Variants in DMD observed in about 807,000 individuals in gnomAD.
DMD encodes mutant dystrophin.
A neutral mutation model predicts 330.1 loss-of-function variants in DMD; 63 were observed. The observed-to-expected ratio is 0.19, with a 90% CI of 0.16 to 0.24. The LOEUF (loss-of-function observed/expected upper bound fraction) is 0.24, where lower values mean the gene tolerates loss of function less well. Ranked by LOEUF, DMD falls within the 10% of genes least tolerant of loss-of-function variation. The pLI is 1.00. For synonymous variants in DMD, 1,223 were observed against 959.8 expected (o/e 1.27, Z -5.07); for missense variants, 3,344 against 2,684.1 (o/e 1.25, Z -5.43).
chrX:31,676,774 G>C (rs182026292), intron 53 of DMD, among the ~76,000 whole-genome samples: 12 of 112,198 alleles, frequency 1.1e-4, no homozygotes, highest in African/African-American at 3.9e-4. Flanking sequence ...GTTTTTGAAA[G>C]GATGAAATAA....
At chrX:32,046,425 A>C (rs1447264720) in intron 44 of DMD, among the ~76,000 whole-genome samples, 1 of 112,603 alleles carries the variant, frequency 8.9e-6, no homozygotes, top group Non-Finnish European at 1.9e-5. Flanking sequence ...TTAAAAGTTC[A>C]ATACTATTTA....
chrX:33,118,038 C>T (rs1006546559), intron 1 of DMD, among the ~76,000 whole-genome samples: 1 of 110,519 alleles, frequency 9.0e-6, no homozygotes, highest in Non-Finnish European at 1.9e-5. Flanking sequence ...CTAGTAAAGC[C>T]AGAAGCTATC....
In DMD at chrX:31,856,590, T is replaced by C. The variant is rs564948704; in HGVS notation, c.7098+18598A>G. Reference sequence around the variant, plus strand: ...AATGCTACTATTCATAATGGACTCATTGAAGATACTAAAGATAATAAAATA... The same window carrying C: ...AATGCTACTATTCATAATGGACTCACTGAAGATACTAAAGATAATAAAATA... On this transcript the variant is annotated intron_variant, in intron 48 of 78. Transcript: ENST00000357033. Among the ~76,000 whole-genome samples the C allele has an allele frequency of 3.6e-5, 4 of 112,516 alleles. No homozygotes were observed. In the South Asian group the frequency reaches 1.5e-3, roughly 41 times the overall value.
At chrX:33,300,415 A>T (rs189819984) in intron 1 of DMD, among the ~76,000 whole-genome samples, 2 of 112,307 alleles carry the variant, frequency 1.8e-5, no homozygotes, top group African/African-American at 6.5e-5. Context: ...TTCATCCTCA[A>T]CTAACCTTTT....
chrX:32,963,642 C>T (rs763015573), intron 2 of DMD, among the ~76,000 whole-genome samples: 12 of 112,157 alleles, frequency 1.1e-4, no homozygotes, highest in East Asian at 2.8e-4. Context: ...TCCTTGTTAA[C>T]GCCTAGTAAA....
At chrX:32,997,958 T>C (rs190688806) in intron 2 of DMD, among the ~76,000 whole-genome samples, 1 of 112,315 alleles carries the variant, frequency 8.9e-6, no homozygotes, top group East Asian at 2.8e-4. Flanking sequence ...GAGAAATTTA[T>C]TCATTTTTCC....
At chrX:31,283,583 C>CGAA (rs768745886) in intron 62 of DMD, among the ~76,000 whole-genome samples, 93 of 111,425 alleles carry the variant, frequency 8.3e-4, no homozygotes, top group African/African-American at 2.8e-3. Context: ...CTATATTTCA[C>CGAA]CTTCATCATG....
chrX:33,290,278 T>C (rs1405954988), intron 1 of DMD, among the ~76,000 whole-genome samples: 1 of 111,635 alleles, frequency 9.0e-6, no homozygotes, highest in Non-Finnish European at 1.9e-5. Flanking sequence ...TGGTCTTTCA[T>C]CTTTCCTCAG....
rs751752416 is a variant in DMD at position 32,875,191 on chromosome X, A to T, written c.94-25371T>A. Among the ~76,000 whole-genome samples, 12 of 111,932 alleles carry T rather than the reference A, an allele frequency of 1.1e-4. No homozygotes were observed. The Admixed American group carries it at 1.1e-3, about 11-fold the overall frequency. On this transcript the variant is annotated intron_variant, in intron 2 of 78. Coordinates refer to ENST00000357033, the MANE Select transcript of DMD (RefSeq NM_004006.3). ...CACAGCCCTCTCGATCGAGACCTTG[A>T]TACATGTCCCTCTTCATCGACTCTT...
At chrX:31,771,502 C>T (rs2090334387) in intron 51 of DMD, among the ~76,000 whole-genome samples, 1 of 107,251 alleles carries the variant, frequency 9.3e-6, no homozygotes, top group Non-Finnish European at 1.9e-5. Flanking sequence ...GATTTTTCCC[C>T]CTAAATTTTT....
chrX:32,409,138 C>T (rs1294038871), intron 30 of DMD, among the ~76,000 whole-genome samples: 1 of 111,458 alleles, frequency 9.0e-6, no homozygotes, highest in Admixed American at 9.6e-5. Context: ...TTCTAGAAAA[C>T]AATTCACTTA....
rs185690354 is a variant in DMD at position 32,214,767 on chromosome X, T to C, written c.6438+2149A>G. Among the ~76,000 whole-genome samples the C allele has an allele frequency of 2.8e-3, 308 of 111,821 alleles. 2 individuals are homozygous for C. Among genetic ancestry groups the C allele is most frequent in the African/African-American group, 9.2e-3 (284 of 30,769 alleles). ...AATTAACTGTGTTCCAGAACGAGGT[T>C]TGAGAATATTTATTTCAATATATTT... On this transcript the variant is annotated intron_variant, in intron 44 of 78. Transcript: ENST00000357033.
At chrX:31,537,424 C>A (rs1285181449) in intron 55 of DMD, among the ~76,000 whole-genome samples, 1 of 111,783 alleles carries the variant, frequency 8.9e-6, no homozygotes, top group Non-Finnish European at 1.9e-5. Context: ...CATTTCAAAC[C>A]CTTGCAAGGT....
chrX:33,000,118 T>C (rs1332178133), intron 2 of DMD, among the ~76,000 whole-genome samples: 1 of 112,349 alleles, frequency 8.9e-6, no homozygotes, highest in Admixed American at 9.4e-5. Context: ...TTTGTGTTTT[T>C]TTTCTTACTG....
chrX:31,523,258 A>C (rs1443885536), intron 55 of DMD, among the ~76,000 whole-genome samples: 1 of 111,130 alleles, frequency 9.0e-6, no homozygotes, highest in Non-Finnish European at 1.9e-5. Flanking sequence ...AGAATGATGG[A>C]TCTTCTCCTC....
chrX:31,884,917 T>C (rs1470731715), intron 47 of DMD, among the ~76,000 whole-genome samples: 1 of 111,598 alleles, frequency 9.0e-6, no homozygotes, highest in Non-Finnish European at 1.9e-5. Flanking sequence ...TTTTTAATAT[T>C]TTTGTCCCTT....
At chrX:31,604,286 T>C in intron 55 of DMD, among the ~76,000 whole-genome samples, 1 of 111,982 alleles carries the variant, frequency 8.9e-6, no homozygotes, top group East Asian at 2.8e-4. Flanking sequence ...CTAAATAGAA[T>C]GATATGTTTT....
At chrX:32,860,584 T>C (rs908363918) in intron 2 of DMD, among the ~76,000 whole-genome samples, 1 of 111,586 alleles carries the variant, frequency 9.0e-6, no homozygotes, top group Non-Finnish European at 1.9e-5. Context: ...AGTTGATTTT[T>C]TTTTTGTTTT....
intron 55 of DMD, among the ~76,000 whole-genome samples, chrX:31,622,537 A>C (rs2078591081): frequency 1.8e-5 from 2 of 110,492 alleles, no homozygotes; most frequent in Non-Finnish European, 1.9e-5. Flanking sequence ...TGATGGAATT[A>C]GTTCCCTTAT....
Sources: gnomAD v4.1 joint callset for allele counts (sites outside exome capture counted in the v4.1 genomes callset) on GRCh38, gnomAD v4.1.1 for gene constraint, MANE v1.5 for transcripts, NCBI Gene and HGNC (gene_info 2026-07-23, HGNC 2026-07-21) for gene names.